ADAMTS9: variants seen among roughly 807,000 people sequenced by gnomAD.
ADAMTS9 encodes A disintegrin and metalloproteinase with thrombospondin motifs 9.
Under a neutral mutation model 257.1 loss-of-function variants are expected in ADAMTS9, and 107 were observed. That is an observed-to-expected ratio of 0.42 (90% CI 0.36 to 0.49). ADAMTS9 has a LOEUF of 0.49. Ranked by LOEUF, ADAMTS9 falls within the 20% of genes least tolerant of loss-of-function variation. The pLI is 0.03. For missense variants in ADAMTS9, 2,353 were observed against 2,469.1 expected (o/e 0.95, Z 1.00); for synonymous variants, 982 against 880.9 (o/e 1.11, Z -2.03).
chr3:64,555,051 G>A (rs1164351684), intron 30 of ADAMTS9, among the ~76,000 whole-genome samples: 1 of 152,168 alleles, frequency 6.6e-6, no homozygotes, highest in Admixed American at 6.5e-5. Context: ...TACCTTTTAA[G>A]GTTGTTGATT....
chr3:64,686,925 G>A lies in ADAMTS9; in HGVS notation c.159C>T (p.Pro53=). The A allele has an allele frequency of 6.2e-7, 1 of 1,614,178 alleles. No individual in the cohort carries two copies. The highest frequency in any genetic ancestry group is 1.1e-5 in the South Asian group (1 of 91,082). The change falls in exon 2 of 40, where the codon CCC becomes CCT. Residue 53 remains proline (P), a synonymous_variant. Transcript: ENST00000498707. The surrounding 1 kb of genome is among the most constrained non-coding windows in gnomAD (Gnocchi z 4.6). The part of the protein sequence containing the change: ...ETLSEYEIVS[P]IRVNALGEPF... Reference sequence around the variant, plus strand: ...GTTCTCCGAGAGCGTTCACTCGGATGGGAGACACGATTTCGTATTCGCTCA... The same window carrying A: ...GTTCTCCGAGAGCGTTCACTCGGATAGGAGACACGATTTCGTATTCGCTCA...
intron 2 of ADAMTS9, among the ~76,000 whole-genome samples, chr3:64,683,231 G>A (rs753499624): frequency 1.3e-5 from 2 of 152,296 alleles, no homozygotes; most frequent in South Asian, 2.1e-4. Flanking sequence ...AGCTGGTGAC[G>A]ATTTGCCACC....
intron 22 of ADAMTS9, among the ~76,000 whole-genome samples, chr3:64,612,333 C>T (rs1001673283): frequency 6.6e-6 from 1 of 152,184 alleles, no homozygotes; most frequent in African/African-American, 2.4e-5. Context: ...CTGTGTTCTC[C>T]TCCTCTTATT....
chr3:64,667,749 G>A (rs962549711), intron 3 of ADAMTS9, among the ~76,000 whole-genome samples: 3 of 152,098 alleles, frequency 2.0e-5, no homozygotes, highest in Non-Finnish European at 1.5e-5. Context: ...ACTGGCCAAC[G>A]TTTGTTGAGT....
intron 30 of ADAMTS9, among the ~76,000 whole-genome samples, chr3:64,551,983 C>G (rs1469407212): frequency 6.6e-6 from 1 of 152,206 alleles, no homozygotes; most frequent in Non-Finnish European, 1.5e-5. Flanking sequence ...AGGTGTCAGG[C>G]CCTGTGACGG....
intron 37 of ADAMTS9, among the ~76,000 whole-genome samples, chr3:64,538,206 T>C (rs1430158268): frequency 3.3e-5 from 5 of 152,186 alleles, no homozygotes; most frequent in African/African-American, 9.7e-5. Flanking sequence ...TCCTCTCTAA[T>C]AGGCTACAGA....
At chr3:64,527,300 G>C (rs987381015) in intron 38 of ADAMTS9, among the ~76,000 whole-genome samples, 1 of 152,138 alleles carries the variant, frequency 6.6e-6, no homozygotes, top group Admixed American at 6.5e-5. Context: ...GTTCCATTAA[G>C]AATAGTTTGT....
At chr3:64,573,337 G>A (rs190965059) in intron 28 of ADAMTS9, among the ~76,000 whole-genome samples, 2 of 152,256 alleles carry the variant, frequency 1.3e-5, no homozygotes, top group East Asian at 1.9e-4. Context: ...TGGGGGTGCT[G>A]ACCAACTAGT....
intron 36 of ADAMTS9, among the ~76,000 whole-genome samples, chr3:64,540,435 A>T (rs1259684653): frequency 6.6e-6 from 1 of 152,172 alleles, no homozygotes; most frequent in East Asian, 1.9e-4. Flanking sequence ...TGTTGGCGAG[A>T]GTATGAAATC....
At position 64,625,915 on chromosome 3, in the gene ADAMTS9, C is replaced by A. The variant is rs189881394; in HGVS notation, c.2390-3329G>T. Reference sequence around the variant, plus strand: ...CCACCAATAAACCTAAATTTCAAGTCCTGTATATTTCCAGGTCAGCCATAT... The same window carrying A: ...CCACCAATAAACCTAAATTTCAAGTACTGTATATTTCCAGGTCAGCCATAT... On this transcript the variant is annotated intron_variant, in intron 16 of 39. Transcript: ENST00000498707. Among the ~76,000 whole-genome samples, 192 of 152,290 alleles carry A rather than the reference C, an allele frequency of 1.3e-3. 1 individual carries two copies. The highest frequency in any genetic ancestry group is 4.4e-3 in the African/African-American group (182 of 41,564).
chr3:64,531,266 G>A (rs2082977586), intron 38 of ADAMTS9, among the ~76,000 whole-genome samples: 1 of 152,166 alleles, frequency 6.6e-6, no homozygotes, highest in South Asian at 2.1e-4. Flanking sequence ...TCTCAGGTGA[G>A]GGAGGCAGGT....
intron 21 of ADAMTS9, 28 bp from the exon 22 acceptor site, chr3:64,613,537 G>A (rs1233179516): frequency 6.2e-7 from 1 of 1,602,092 alleles, no homozygotes; most frequent in East Asian, 2.2e-5. Context: ...GCTAGTCAGG[G>A]TCATTTCTGA....
intron 36 of ADAMTS9, 113 bp from the exon 37 acceptor site, chr3:64,539,407 T>G: frequency 4.8e-6 from 4 of 834,886 alleles, no homozygotes; most frequent in Non-Finnish European, 5.9e-6. Flanking sequence ...TAAGAGGGAA[T>G]GGGAGAGAAA....
At chr3:64,561,067 T>TCTTC (rs71102807) in intron 30 of ADAMTS9, among the ~76,000 whole-genome samples, 1 of 138,984 alleles carries the variant, frequency 7.2e-6, no homozygotes, top group African/African-American at 2.6e-5. Flanking sequence ...ATACCATCCT[T>TCTTC]TTTTTTTTTT....
At chr3:64,662,172 T>G (rs145499589) in intron 3 of ADAMTS9, among the ~76,000 whole-genome samples, 1 of 152,234 alleles carries the variant, frequency 6.6e-6, no homozygotes, top group Non-Finnish European at 1.5e-5. Flanking sequence ...GAATCATTGT[T>G]CATTTAGGAG....
At position 64,522,279 on chromosome 3, in the gene ADAMTS9, T is replaced by C; in HGVS notation, c.5719-19A>G. 1.2e-6 allele frequency: 2 copies of C among 1,611,172 alleles called. No individual in the cohort carries two copies. Among genetic ancestry groups the C allele is most frequent in the Non-Finnish European group, 1.7e-6 (2 of 1,177,432 alleles). Reference sequence around the variant, plus strand: ...TACCATCCTGCAAGGAGATGCATCATGTTAGCCTGCCTGCTTGGTTAATGC... The same window carrying C: ...TACCATCCTGCAAGGAGATGCATCACGTTAGCCTGCCTGCTTGGTTAATGC... On this transcript the variant is annotated intron_variant, in intron 38 of 39. Coordinates refer to ENST00000498707, the MANE Select transcript of ADAMTS9 (RefSeq NM_182920.2).
chr3:64,541,886 T>C lies in ADAMTS9; in HGVS notation c.5149A>G (p.Thr1717Ala), dbSNP rs1450646802. 4.3e-6 allele frequency: 7 copies of C among 1,614,050 alleles called. No homozygotes were observed. Among genetic ancestry groups the C allele is most frequent in the Non-Finnish European group, 5.9e-6 (7 of 1,180,016 alleles). Residue 1717 changes from threonine (T) to alanine (A), a missense_variant, in exon 33 of 40, where the codon ACT becomes GCT. Physicochemically the swap from Thr to Ala is moderately conservative, Grantham distance 58. This residue lies in a region of ADAMTS9 where 1,402 missense variants were observed against 1,441.4 expected (regional missense o/e 0.97). Transcript: ENST00000498707. ...NEDQPSHLCHTDLKPEERKTC... is the reference protein window; with the variant it reads ...NEDQPSHLCHADLKPEERKTC... ...TTTCGTTCTTCTGGCTTCAGATCAG[T>C]GTGGCATAAGTGGCTGGGTTGGTCC...
At chr3:64,578,297 A>T (rs969963128) in intron 28 of ADAMTS9, among the ~76,000 whole-genome samples, 1 of 152,156 alleles carries the variant, frequency 6.6e-6, no homozygotes, top group Non-Finnish European at 1.5e-5. Context: ...GTTAAAAAAA[A>T]AAAAAGGCTC....
chr3:64,608,305 A>G (rs1368192642), intron 22 of ADAMTS9, among the ~76,000 whole-genome samples: 1 of 150,870 alleles, frequency 6.6e-6, no homozygotes, highest in East Asian at 1.9e-4. Flanking sequence ...AATAAAGATT[A>G]GAATGGAGAT....
Sources: allele counts gnomAD v4.1 joint callset (sites outside exome capture counted in the v4.1 genomes callset), GRCh38; gene constraint gnomAD v4.1.1; regional missense constraint gnomAD v4.1.1; non-coding constraint Gnocchi (gnomAD v3.1); transcripts MANE v1.5; gene names NCBI Gene and HGNC (gene_info 2026-07-23, HGNC 2026-07-21).